ASAP1: variants seen among roughly 807,000 people sequenced by gnomAD.
ASAP1 encodes the protein ArfGAP with SH3 domain, ankyrin repeat and PH domain 1.
A neutral mutation model predicts 145.2 loss-of-function variants in ASAP1; 43 were observed. The observed-to-expected ratio is 0.30, with a 90% confidence interval of 0.23 to 0.38. The LOEUF (loss-of-function observed/expected upper bound fraction) is 0.38. ASAP1 is among the 10% of genes least tolerant of loss of function. The pLI is 1.00. For missense variants in ASAP1, 1,018 were observed against 1,355.3 expected (o/e 0.75, Z 3.91); for synonymous variants, 546 against 515.5 (o/e 1.06, Z -0.80).
chr8:130,057,730 G>A (rs1034113752), intron 29 of ASAP1, among the ~76,000 whole-genome samples: 2 of 152,230 alleles, frequency 1.3e-5, no homozygotes, highest in Non-Finnish European at 2.9e-5. Flanking sequence ...TTACAGGCGT[G>A]AGCCACTGTG....
chr8:130,183,821 C>T (rs1398776692), intron 7 of ASAP1, among the ~76,000 whole-genome samples: 1 of 152,088 alleles, frequency 6.6e-6, no homozygotes, highest in African/African-American at 2.4e-5. Context: ...AAATATGGAA[C>T]TATACTAGTC....
intron 27 of ASAP1, among the ~76,000 whole-genome samples, chr8:130,071,046 G>GAGAGAGAGAGAA (rs2097445262): frequency 7.8e-6 from 1 of 127,808 alleles, no homozygotes. Flanking sequence ...GAGAGAGAGA[G>GAGAGAGAGAGAA]AAAGCAGAGT....
chr8:130,070,003 A>G (rs2097439030), intron 27 of ASAP1, among the ~76,000 whole-genome samples: 1 of 152,196 alleles, frequency 6.6e-6, no homozygotes, highest in African/African-American at 2.4e-5. Flanking sequence ...GAAAGTTGGT[A>G]TATTTGAACA....
chr8:130,373,708 C>T (rs1827336984), intron 2 of ASAP1, among the ~76,000 whole-genome samples: 1 of 151,838 alleles, frequency 6.6e-6, no homozygotes, highest in African/African-American at 2.4e-5. Context: ...AACAGCCAGG[C>T]ATGGTGGCAT....
intron 3 of ASAP1, among the ~76,000 whole-genome samples, chr8:130,336,576 A>G (rs1288780593): frequency 6.6e-6 from 1 of 152,222 alleles, no homozygotes; most frequent in African/African-American, 2.4e-5. Flanking sequence ...TACATGGGTA[A>G]AAGAAATAAA....
At chr8:130,301,605 T>G (rs1267807433) in intron 3 of ASAP1, among the ~76,000 whole-genome samples, 1 of 152,234 alleles carries the variant, frequency 6.6e-6, no homozygotes, top group African/African-American at 2.4e-5. Context: ...ATAAATCACA[T>G]GTTCACTACC....
intron 3 of ASAP1, among the ~76,000 whole-genome samples, chr8:130,342,093 G>A (rs893286782): frequency 6.6e-6 from 1 of 152,152 alleles, no homozygotes; most frequent in Non-Finnish European, 1.5e-5. Context: ...CTTTGGAAAG[G>A]AAAGTGTCGG....
At chr8:130,225,558 G>C (rs1273192377) in intron 4 of ASAP1, among the ~76,000 whole-genome samples, 1 of 152,044 alleles carries the variant, frequency 6.6e-6, no homozygotes, top group Non-Finnish European at 1.5e-5. Context: ...AAAACATACT[G>C]CTATTTCAGA....
At chr8:130,100,387 T>C (rs575316000) in intron 24 of ASAP1, among the ~76,000 whole-genome samples, 1 of 152,152 alleles carries the variant, frequency 6.6e-6, no homozygotes, top group African/African-American at 2.4e-5. Flanking sequence ...TGGAGTGCAA[T>C]GGTGTGTTCT....
chr8:130,184,187 T>C (rs186870173), intron 7 of ASAP1, among the ~76,000 whole-genome samples: 155 of 152,346 alleles, frequency 1.0e-3, no homozygotes, highest in African/African-American at 3.5e-3. Flanking sequence ...TGAATGCTTA[T>C]ACCTATAAAA....
chr8:130,110,933 G>A (rs2097545659), intron 24 of ASAP1, among the ~76,000 whole-genome samples: 1 of 152,098 alleles, frequency 6.6e-6, no homozygotes, highest in Admixed American at 6.5e-5. Context: ...CCTGCATTTG[G>A]ATTCACTGGC....
chr8:130,381,155 G>C (rs1042034768), intron 2 of ASAP1, among the ~76,000 whole-genome samples: 4 of 152,070 alleles, frequency 2.6e-5, no homozygotes, highest in Non-Finnish European at 5.9e-5. Flanking sequence ...CAAAGTGTTG[G>C]GATTACAGGG....
At chr8:130,102,022 A>AAG (rs2097529666) in intron 24 of ASAP1, among the ~76,000 whole-genome samples, 1 of 152,026 alleles carries the variant, frequency 6.6e-6, no homozygotes. Flanking sequence ...TTCTATATAG[A>AAG]AGATCATGTC....
chr8:130,408,935 A>G (rs1829148627), intron 1 of ASAP1, among the ~76,000 whole-genome samples: 1 of 152,190 alleles, frequency 6.6e-6, no homozygotes, highest in African/African-American at 2.4e-5. Context: ...CCCATTTGGT[A>G]TCATTTCCTG....
chr8:130,306,345 A>C (rs888818922), intron 3 of ASAP1, among the ~76,000 whole-genome samples: 1 of 152,222 alleles, frequency 6.6e-6, no homozygotes, highest in Non-Finnish European at 1.5e-5. Flanking sequence ...GTAAATGCAC[A>C]TAAGTGACTT....
chr8:130,155,091 C>T (rs1468675978), intron 12 of ASAP1, among the ~76,000 whole-genome samples: 1 of 152,212 alleles, frequency 6.6e-6, no homozygotes, highest in Non-Finnish European at 1.5e-5. Context: ...ATCCACCAAT[C>T]AAACTATTCA....
chr8:130,109,002 C>T (rs767294433), intron 24 of ASAP1, among the ~76,000 whole-genome samples: 7 of 151,620 alleles, frequency 4.6e-5, no homozygotes, highest in Non-Finnish European at 1.0e-4. Flanking sequence ...CTCGAACTCC[C>T]GACGTCAGGT....
At chr8:130,348,331 T>C (rs1363839589) in intron 3 of ASAP1, among the ~76,000 whole-genome samples, 2 of 152,242 alleles carry the variant, frequency 1.3e-5, no homozygotes, top group African/African-American at 2.4e-5. Context: ...CAGTCGTCTT[T>C]TGGGCTTTAC....
At chr8:130,163,877 TTTC>T (rs2097674697) in intron 11 of ASAP1, among the ~76,000 whole-genome samples, 1 of 152,222 alleles carries the variant, frequency 6.6e-6, no homozygotes, top group Non-Finnish European at 1.5e-5. Context: ...GACAAATCAC[TTTC>T]TTATTTGAAA....
Sources: allele counts gnomAD v4.1 joint callset (sites outside exome capture counted in the v4.1 genomes callset), GRCh38; gene constraint gnomAD v4.1.1; transcripts MANE v1.5; gene names NCBI Gene and HGNC (gene_info 2026-07-23, HGNC 2026-07-21).